Variants in NAB1 observed in about 807,000 individuals in gnomAD.
NAB1 encodes NGFI-A binding protein 1.
NAB1 carries 25 observed loss-of-function variants against 49.9 expected under a neutral mutation model. The observed-to-expected ratio is 0.50, with a 90% CI of 0.37 to 0.70. NAB1 has a LOEUF of 0.70. NAB1 is among the 30% of genes least tolerant of loss of function. The pLI is 0.00. For missense variants in NAB1, 489 were observed against 575.9 expected (o/e 0.85, Z 1.54); for synonymous variants, 198 against 215.6 (o/e 0.92, Z 0.71).
chr2:190,673,271 T>G, intron 6 of NAB1, 119 bp downstream of exon 6: 1 of 876,836 alleles, frequency 1.1e-6, no homozygotes, highest in Non-Finnish European at 1.9e-6. Flanking sequence ...AAAAATGGCT[T>G]TCAATAAATC....
Position 190,655,679 on chromosome 2 carries a change from C to T in NAB1, c.-196-298C>T, listed in dbSNP as rs148947727. ...CTAGTGACAATTAAAGCCCTCTGTC[C>T]TATCAAAAAATCCTCACATCCCAGC... is the stretch of plus-strand genomic sequence containing the variant. On this transcript the variant is annotated intron_variant, in intron 2 of 9. Transcript: ENST00000337386. Among the ~76,000 whole-genome samples, 432 of 152,190 alleles carry T rather than the reference C, an allele frequency of 2.8e-3. 1 individual carries two copies. The highest frequency in any genetic ancestry group is 0.014 in the South Asian group (68 of 4,828).
intron 6 of NAB1, among the ~76,000 whole-genome samples, chr2:190,683,305 T>C (rs1234700618): frequency 1.4e-5 from 2 of 142,404 alleles, no homozygotes; most frequent in African/African-American, 2.6e-5. Context: ...TAATTTTTTT[T>C]TTTTTTTTTT....
chr2:190,667,313 G>A lies in NAB1; in HGVS notation c.820-3013G>A, dbSNP rs1978273. ...AGCTAGTACCTCTGAAATGTTGTCA[G>A]TTAAAACATCTTACTGAAAATCAGA... is the stretch of plus-strand genomic sequence containing the variant. On this transcript the variant is annotated intron_variant, in intron 4 of 9. Transcript: ENST00000337386. This position sits in a 1 kb window ranked among gnomAD's most constrained non-coding sequence, Gnocchi z 4.4. 0.52 allele frequency among the ~76,000 whole-genome samples: 79,313 copies of A among 152,106 alleles called. 21,941 individuals are homozygous for A. Among genetic ancestry groups the A allele is most frequent in the East Asian group, 0.73 (3,784 of 5,180 alleles).
Position 190,659,647 on chromosome 2 carries a change from G to A in NAB1, c.471G>A (p.Glu157=). The change falls in exon 4 of 10, where the codon GAG becomes GAA. Residue 157 remains glutamate (E), a synonymous_variant. Transcript: ENST00000337386. The surrounding 1 kb of genome is among the most constrained non-coding windows in gnomAD (Gnocchi z 6.2). ...GCCTAGCACTGCAGAGTGTTGGTGAGTCCAGACTCTGGCAAGGCCACCATG... is the reference window on the plus strand; with the variant it reads ...GCCTAGCACTGCAGAGTGTTGGTGAATCCAGACTCTGGCAAGGCCACCATG... ...VGSLALQSVG[E]SRLWQGHHAT... The A allele has an allele frequency of 6.2e-7, 1 of 1,614,038 alleles. No homozygotes were observed. The highest frequency in any genetic ancestry group is 8.5e-7 in the Non-Finnish European group (1 of 1,180,042).
chr2:190,662,701 G>A (rs1694289222), intron 4 of NAB1, among the ~76,000 whole-genome samples: 1 of 152,184 alleles, frequency 6.6e-6, no homozygotes, highest in Non-Finnish European at 1.5e-5. Context: ...CAAGGCAATA[G>A]AGAATGTAGA....
rs753318063 is a variant in NAB1, at chr2:190,659,365, T to C, written c.189T>C (p.Leu63=). The part of the protein sequence containing the change: ...MALVGMASKP[L]HVRRLQKALR... ...TCGTGGGCATGGCTAGCAAGCCCCT[T>C]CATGTTAGAAGGCTGCAGAAGGCTT... The change falls in exon 4 of 10, where the codon CTT becomes CTC. Residue 63 remains leucine, a synonymous_variant. Coordinates refer to ENST00000337386, the MANE Select transcript of NAB1 (RefSeq NM_005966.4). The surrounding 1 kb of genome is among the most constrained non-coding windows in gnomAD (Gnocchi z 6.2). The C allele has an allele frequency of 6.8e-6, 11 of 1,614,016 alleles. No individual in the cohort carries two copies. The Admixed American group carries it at 1.8e-4, about 27-fold the overall frequency.
chr2:190,685,449 T>C lies in NAB1; in HGVS notation c.1096-27T>C. ...AAAAAATCTAGAATGTTTCAGTTAC[T>C]GATTTGATTTTTGCTTTACTTACTA... On this transcript the variant is annotated intron_variant, in intron 7 of 9. Coordinates refer to ENST00000337386, the MANE Select transcript of NAB1 (RefSeq NM_005966.4). This position sits in a 1 kb window ranked among gnomAD's most constrained non-coding sequence, Gnocchi z 4.5. The C allele has an allele frequency of 2.5e-6, 4 of 1,575,712 alleles. No homozygotes were observed. The highest frequency in any genetic ancestry group is 1.9e-5 in the Admixed American group (1 of 53,570).
chr2:190,658,141 G>T (rs1249124015), intron 3 of NAB1, among the ~76,000 whole-genome samples: 2 of 152,114 alleles, frequency 1.3e-5, no homozygotes, highest in Non-Finnish European at 2.9e-5. Context: ...TCTTGCTTGG[G>T]CTCAAAAAGT....
chr2:190,670,212 G>C lies in NAB1; in HGVS notation c.820-114G>C. 9.9e-7 allele frequency: 1 copy of C among 1,012,366 alleles called. No individual in the cohort carries two copies. Among genetic ancestry groups the C allele is most frequent in the Non-Finnish European group, 1.4e-6 (1 of 724,026 alleles). 62.7% of individuals were successfully genotyped at this position (1,012,366 alleles called of 1,614,324 possible). A position where few individuals can be genotyped will look rare whatever the true frequency, so the allele number is the denominator to read the frequency against. On this transcript the variant is annotated intron_variant, in intron 4 of 9. Transcript: ENST00000337386. This position sits in a 1 kb window ranked among gnomAD's most constrained non-coding sequence, Gnocchi z 5.3. The stretch of plus-strand genomic sequence containing the variant: ...GAATAAATACCATTCTGATTTTTAT[G>C]AATAATGATTCCATTATATAATGGT...
chr2:190,673,771 G>T (rs1401174141), intron 6 of NAB1, among the ~76,000 whole-genome samples: 3 of 152,188 alleles, frequency 2.0e-5, no homozygotes, highest in Non-Finnish European at 4.4e-5. Context: ...GGTTGAGGCT[G>T]CTCTTTTGAT....
chr2:190,682,293 C>A lies in NAB1; in HGVS notation c.1006-1445C>A, dbSNP rs1251572289. On this transcript the variant is annotated intron_variant, in intron 6 of 9. Coordinates refer to ENST00000337386, the MANE Select transcript of NAB1 (RefSeq NM_005966.4). The surrounding 1 kb of genome is among the most constrained non-coding windows in gnomAD (Gnocchi z 4.1). ...TATCTCATTTGGTCCTCACAACAAT[C>A]CTAATAGATAGGTTCTCCTATCCTC... 6.6e-6 allele frequency among the ~76,000 whole-genome samples: 1 copy of A among 152,172 alleles called. No individual in the cohort carries two copies. The highest frequency in any genetic ancestry group is 1.5e-5 in the Non-Finnish European group (1 of 68,032).
Position 190,684,588 on chromosome 2 carries a change from T to C in NAB1, c.1095+761T>C, listed in dbSNP as rs1456045262. Reference sequence around the variant, plus strand: ...ACTCAGAAAAATAGTGTGTTTATCATGTTTATTCTGTGAATTAATATATTT... The same window carrying C: ...ACTCAGAAAAATAGTGTGTTTATCACGTTTATTCTGTGAATTAATATATTT... On this transcript the variant is annotated intron_variant, in intron 7 of 9. Coordinates refer to ENST00000337386, the MANE Select transcript of NAB1 (RefSeq NM_005966.4). This position sits in a 1 kb window ranked among gnomAD's most constrained non-coding sequence, Gnocchi z 4.6. 2.6e-5 allele frequency among the ~76,000 whole-genome samples: 4 copies of C among 152,232 alleles called. No individual in the cohort carries two copies. The highest frequency in any genetic ancestry group is 9.6e-5 in the African/African-American group (4 of 41,464).
chr2:190,656,854 G>C (rs6434409), intron 3 of NAB1, among the ~76,000 whole-genome samples: 152,178 of 152,264 alleles, frequency 1, 76,046 homozygotes, highest in Middle Eastern at 1. Context: ...TGTAATCTCT[G>C]CTCTATTCCA....
Position 190,691,159 on chromosome 2 carries a change from A to G in NAB1, c.*826A>G, listed in dbSNP as rs1340719814. 3 of 152,726 alleles carry G rather than the reference A, an allele frequency of 2.0e-5. No homozygotes were observed. In the East Asian group the frequency reaches 5.8e-4, roughly 29 times the overall value. The allele number at this position is 152,726 out of a possible 1,614,324, so 9.5% of individuals were successfully genotyped here. A position where few individuals can be genotyped will look rare whatever the true frequency, so the allele number is the denominator to read the frequency against. ...CATGTATAAAAGCTTTGACTTAAAC[A>G]TTGATATTTCAGAATGTGTTAAATA... On this transcript the variant is annotated 3_prime_UTR_variant, in exon 10 of 10. Coordinates refer to ENST00000337386, the MANE Select transcript of NAB1 (RefSeq NM_005966.4). This position sits in a 1 kb window ranked among gnomAD's most constrained non-coding sequence, Gnocchi z 4.1.
chr2:190,681,171 A>G (rs1355526749), intron 6 of NAB1, among the ~76,000 whole-genome samples: 1 of 152,228 alleles, frequency 6.6e-6, no homozygotes, highest in Non-Finnish European at 1.5e-5. Flanking sequence ...TGGACTGAGC[A>G]TAGGCTTTGA....
rs181020249 is a variant in NAB1, at chr2:190,669,816, A to G, written c.820-510A>G. On this transcript the variant is annotated intron_variant, in intron 4 of 9. Transcript: ENST00000337386. The surrounding 1 kb of genome is among the most constrained non-coding windows in gnomAD (Gnocchi z 4.3). The stretch of plus-strand genomic sequence containing the variant: ...ATTAGTCCAACACCTTGATTTTCCA[A>G]TATAGCCCTAGTATATGATAACTCT... Among the ~76,000 whole-genome samples the G allele has an allele frequency of 6.6e-6, 1 of 152,176 alleles. No individual in the cohort carries two copies. The highest frequency in any genetic ancestry group is 2.4e-5 in the African/African-American group (1 of 41,456).
At chr2:190,650,884 C>G (rs1237565773) in intron 2 of NAB1, among the ~76,000 whole-genome samples, 1 of 151,894 alleles carries the variant, frequency 6.6e-6, no homozygotes, top group East Asian at 1.9e-4. Flanking sequence ...CTTTTTTATC[C>G]CTGATTTGGG....
intron 4 of NAB1, among the ~76,000 whole-genome samples, chr2:190,664,142 CTAT>C (rs1350113854): frequency 6.6e-6 from 1 of 152,156 alleles, no homozygotes. Context: ...ATATTCTTAA[CTAT>C]TATTTTGTCT....
chr2:190,669,432 ACCAAGTACCAAG>A lies in NAB1; in HGVS notation c.820-891_820-880del, dbSNP rs1209999604. Reference sequence around the variant, plus strand: ...ATTATCCCATTTTGCCTCTCAGAATACCAAGTACCAAGCCTCTCAAAAGTTTTGCATGTCCAG... The same window carrying A: ...ATTATCCCATTTTGCCTCTCAGAATACCTCTCAAAAGTTTTGCATGTCCAG... On this transcript the variant is annotated intron_variant, in intron 4 of 9. Coordinates refer to ENST00000337386, the MANE Select transcript of NAB1 (RefSeq NM_005966.4). This position sits in a 1 kb window ranked among gnomAD's most constrained non-coding sequence, Gnocchi z 4.3. 1.3e-5 allele frequency among the ~76,000 whole-genome samples: 2 copies of A among 152,284 alleles called. No individual in the cohort carries two copies. The highest frequency in any genetic ancestry group is 4.8e-5 in the African/African-American group (2 of 41,554).
Sources: gnomAD v4.1 joint callset for allele counts (sites outside exome capture counted in the v4.1 genomes callset) on GRCh38, gnomAD v4.1.1 for gene constraint, Gnocchi (gnomAD v3.1) non-coding constraint, MANE v1.5 for transcripts, NCBI Gene and HGNC (gene_info 2026-07-23, HGNC 2026-07-21) for gene names.